ROPN1: variants seen among roughly 807,000 people sequenced by gnomAD.
ROPN1 encodes ropporin-1A.
ROPN1 carries 14 observed loss-of-function variants against 20.5 expected under a neutral mutation model. The ratio of observed to expected loss-of-function variants is 0.68; its 90% CI spans 0.45 to 1.07. The LOEUF is 1.07. ROPN1 is among the 50% of genes least tolerant of loss of function. The pLI is 0.00. For missense variants in ROPN1, 169 were observed against 242.8 expected (o/e 0.70, Z 2.02); for synonymous variants, 76 against 95.7 (o/e 0.79, Z 1.20).
intron 2 of ROPN1, chr3:123,979,251 C>T: frequency 2.8e-6 from 1 of 352,518 alleles, no homozygotes; most frequent in Non-Finnish European, 5.6e-6. Context: ...CCGAAAGGCC[C>T]CTCTTAGATG....
intron 1 of ROPN1, among the ~76,000 whole-genome samples, chr3:123,990,985 T>C (rs1160602972): frequency 6.6e-6 from 1 of 152,210 alleles, no homozygotes; most frequent in African/African-American, 2.4e-5. Context: ...TGAGTATCAC[T>C]TGGAACCAAG....
intron 1 of ROPN1, among the ~76,000 whole-genome samples, chr3:123,988,708 T>C (rs1230425085): frequency 6.6e-6 from 1 of 152,090 alleles, no homozygotes; most frequent in African/African-American, 2.4e-5. Flanking sequence ...TATGACTAAT[T>C]ATGTGATCCT....
intron 1 of ROPN1, chr3:123,980,783 T>A: frequency 3.3e-6 from 1 of 307,596 alleles, no homozygotes; most frequent in African/African-American, 2.1e-5. Flanking sequence ...AATAATGATA[T>A]CACCCCCCAA....
chr3:123,976,808 C>T, intron 3 of ROPN1, 56 bp downstream of exon 3: 2 of 1,546,928 alleles, frequency 1.3e-6, no homozygotes, highest in Admixed American at 3.6e-5. Context: ...TGTCTGTACC[C>T]ACCCAGCCTC....
intron 1 of ROPN1, among the ~76,000 whole-genome samples, chr3:123,986,355 C>T (rs926616973): frequency 3.9e-5 from 6 of 151,978 alleles, no homozygotes; most frequent in African/African-American, 1.5e-4. Context: ...CAGGGACATA[C>T]AAAAGTTCCT....
chr3:123,983,682 T>G (rs747200416), intron 1 of ROPN1, among the ~76,000 whole-genome samples: 16 of 152,228 alleles, frequency 1.1e-4, no homozygotes, highest in Non-Finnish European at 2.1e-4. Context: ...TCTTGCAGTT[T>G]TTTTTTCTCT....
rs755744312 is a variant in ROPN1 at position 123,969,083 on chromosome 3, G to C, written c.*72C>G. On this transcript the variant is annotated 3_prime_UTR_variant, in exon 6 of 6. Transcript: ENST00000405845. ...TGTACAAGAAAATTGATTTTGGGTG[G>C]TATATGGGTTTCAGTCATTCTGAAG... 1 of 1,207,560 alleles carries C rather than the reference G, an allele frequency of 8.3e-7. No homozygotes were observed. The highest frequency in any genetic ancestry group is 1.2e-6 in the Non-Finnish European group (1 of 810,278). 74.8% of individuals were successfully genotyped at this position (1,207,560 alleles called of 1,614,324 possible). A position where few individuals can be genotyped will look rare whatever the true frequency, so the allele number is the denominator to read the frequency against.
chr3:123,990,424 T>C (rs56710374), intron 1 of ROPN1, among the ~76,000 whole-genome samples: 5,891 of 151,952 alleles, frequency 0.039, 358 homozygotes, highest in African/African-American at 0.13. Context: ...CTTGTAGAAA[T>C]AGAAAACACT....
At chr3:123,971,894 G>C (rs1026973860) in intron 4 of ROPN1, among the ~76,000 whole-genome samples, 1 of 152,148 alleles carries the variant, frequency 6.6e-6, no homozygotes. Context: ...GATTGTATTT[G>C]AACATACGAC....
chr3:123,984,804 A>G (rs1194003395), intron 1 of ROPN1, among the ~76,000 whole-genome samples: 1 of 152,090 alleles, frequency 6.6e-6, no homozygotes, highest in Non-Finnish European at 1.5e-5. Flanking sequence ...TGTTAACAGT[A>G]ATCTATCCTT....
chr3:123,986,018 A>AAAAAAG lies in ROPN1; in HGVS notation c.-12-5526_-12-5525insCTTTTT, dbSNP rs201340337. Among the ~76,000 whole-genome samples, 2 of 93,966 alleles carry AAAAAAG rather than the reference A, an allele frequency of 2.1e-5. 1 individual carries two copies. Among genetic ancestry groups the AAAAAAG allele is most frequent in the African/African-American group, 7.5e-5 (2 of 26,646 alleles). The allele number at this position is 93,966 out of a possible 152,430, so 61.6% of individuals were successfully genotyped here. ...AAAAAAAAAAAAAAAAAAAAAAAAAATCAAAATATTTAAATTATACTTGAA... is the reference window on the plus strand; with the variant it reads ...AAAAAAAAAAAAAAAAAAAAAAAAAAAAAAAGTCAAAATATTTAAATTATACTTGAA... On this transcript the variant is annotated intron_variant, in intron 1 of 5. Coordinates refer to ENST00000405845, the MANE Select transcript of ROPN1 (RefSeq NM_001317774.2).
At chr3:123,987,063 G>C (rs934422058) in intron 1 of ROPN1, among the ~76,000 whole-genome samples, 3 of 152,248 alleles carry the variant, frequency 2.0e-5, no homozygotes, top group Admixed American at 1.3e-4. Flanking sequence ...GTTGAGCCTA[G>C]TGGAATGGCC....
chr3:123,980,606 T>C (rs1464113364), intron 1 of ROPN1, 113 bp from the exon 2 acceptor site: 3 of 889,274 alleles, frequency 3.4e-6, no homozygotes, highest in Non-Finnish European at 5.1e-6. Context: ...TTGGGGACTC[T>C]GCAAGACAAA....
chr3:123,986,900 G>A (rs1465090838), intron 1 of ROPN1, among the ~76,000 whole-genome samples: 4 of 152,250 alleles, frequency 2.6e-5, no homozygotes, highest in Non-Finnish European at 4.4e-5. Flanking sequence ...ACCTGAGACT[G>A]CCCTGTAAGC....
chr3:123,990,056 C>G lies in ROPN1; in HGVS notation c.-13+1866G>C, dbSNP rs922206951. 2.0e-5 allele frequency among the ~76,000 whole-genome samples: 3 copies of G among 152,224 alleles called. No individual in the cohort carries two copies. In the East Asian group the frequency reaches 5.8e-4, roughly 29 times the overall value. On this transcript the variant is annotated intron_variant, in intron 1 of 5. Transcript: ENST00000405845. ...CAAAAAATTACTATATGATTTATTT[C>G]TCTTTGTTGGACTCTGAAACACGTT... is the stretch of plus-strand genomic sequence containing the variant.
At position 123,980,341 on chromosome 3, in the gene ROPN1, G is replaced by A. The variant is rs1485741675; in HGVS notation, c.116+25C>T. On this transcript the variant is annotated intron_variant, in intron 2 of 5. Coordinates refer to ENST00000405845, the MANE Select transcript of ROPN1 (RefSeq NM_001317774.2). The stretch of plus-strand genomic sequence containing the variant: ...TCTGTCTCCGGCCGTCCTCCAAGGG[G>A]TGAAGGCGAGAAAGGAGCACGTACT... 19 of 1,611,006 alleles carry A rather than the reference G, an allele frequency of 1.2e-5. No individual in the cohort carries two copies. The East Asian group carries it at 1.3e-4, about 11-fold the overall frequency.
intron 1 of ROPN1, among the ~76,000 whole-genome samples, chr3:123,985,133 C>T (rs2038225185): frequency 6.6e-6 from 1 of 152,178 alleles, no homozygotes; most frequent in Non-Finnish European, 1.5e-5. Context: ...TACAAACTTA[C>T]AACAGTTGAA....
intron 4 of ROPN1, among the ~76,000 whole-genome samples, chr3:123,972,954 A>G (rs984327586): frequency 6.6e-6 from 1 of 152,188 alleles, no homozygotes; most frequent in Non-Finnish European, 1.5e-5. Context: ...CCAAGAGGCC[A>G]GCAGATTTGC....
Position 123,969,033 on chromosome 3 carries a change from T to G in ROPN1, c.*122A>C. 2 of 786,958 alleles carry G rather than the reference T, an allele frequency of 2.5e-6. No individual in the cohort carries two copies. The highest frequency in any genetic ancestry group is 4.4e-6 in the Non-Finnish European group (2 of 451,890). The allele number at this position is 786,958 out of a possible 1,614,324, so 48.7% of individuals were successfully genotyped here. A position where few individuals can be genotyped will look rare whatever the true frequency, so the allele number is the denominator to read the frequency against. On this transcript the variant is annotated 3_prime_UTR_variant, in exon 6 of 6. Coordinates refer to ENST00000405845, the MANE Select transcript of ROPN1 (RefSeq NM_001317774.2). ...CTGCACATTTCTGATCTCATATGTT[T>G]AATTGTTTATTAGTGTGTACCAGTT...
Sources: gnomAD v4.1 joint callset for allele counts (sites outside exome capture counted in the v4.1 genomes callset) on GRCh38, gnomAD v4.1.1 for gene constraint, MANE v1.5 for transcripts, NCBI Gene and HGNC (gene_info 2026-07-23, HGNC 2026-07-21) for gene names.